The following LCORL variants were observed in gnomAD, a reference collection of about 807,000 sequenced individuals.
The protein encoded by LCORL is ligand dependent nuclear receptor corepressor like.
LCORL carries 41 observed loss-of-function variants against 141.8 expected under a neutral mutation model. The observed-to-expected ratio is 0.29, with a 90% confidence interval of 0.23 to 0.38. The LOEUF (loss-of-function observed/expected upper bound fraction) is 0.38. Ranked by LOEUF, LCORL falls within the 10% of genes least tolerant of loss-of-function variation. The probability of loss-of-function intolerance (pLI) is 1.00; values close to 1 mark genes in which losing one functional copy is unlikely to be tolerated. For missense variants in LCORL, 1,759 were observed against 2,035.0 expected, an observed-to-expected ratio of 0.86 and a Z score of 2.61; for synonymous variants, 618 against 694.1, an observed-to-expected ratio of 0.89 and a Z score of 1.72.
At chr4:17,971,804 A>C (rs1478574742) in intron 2 of LCORL, among the ~76,000 whole-genome samples, 1 of 151,716 alleles carries the variant, frequency 6.6e-6, no homozygotes, top group East Asian at 1.9e-4. Flanking sequence ...ATTTATAAGC[A>C]GTATGTAACA....
intron 1 of LCORL, among the ~76,000 whole-genome samples, chr4:17,997,928 G>A (rs1451773982): frequency 6.6e-6 from 1 of 152,124 alleles, no homozygotes; most frequent in Non-Finnish European, 1.5e-5. Context: ...TTAAGGGCTT[G>A]TGCATTGCTT....
At chr4:17,981,608 T>G (rs1222188866) in intron 1 of LCORL, among the ~76,000 whole-genome samples, 1 of 151,878 alleles carries the variant, frequency 6.6e-6, no homozygotes. Flanking sequence ...GGTGGTGGCA[T>G]GCACCTGTAG....
intron 7 of LCORL, among the ~76,000 whole-genome samples, chr4:17,853,468 C>A (rs1171000747): frequency 1.3e-5 from 2 of 152,136 alleles, no homozygotes; most frequent in East Asian, 3.8e-4. Context: ...CGGGCATAGA[C>A]TGACATGTTT....
rs1208457909 is a variant in LCORL, at chr4:18,021,738, C to T, written c.14G>A (p.Arg5Lys). Residue 5 changes from arginine (R) to lysine (K), a missense_variant, in exon 1 of 8, where the codon AGA becomes AAA. By Grantham distance (26) the Arg-to-Lys change is conservative (BLOSUM62 2). Transcript: ENST00000635767. This position sits in a 1 kb window ranked among gnomAD's most constrained non-coding sequence, Gnocchi z 5.5. ...GGCGGCGGCAGCGGCCATTCTCTCTCTTCCCTTGTCCATCTGCGTCCCGCG... is the reference window on the plus strand; with the variant it reads ...GGCGGCGGCAGCGGCCATTCTCTCTTTTCCCTTGTCCATCTGCGTCCCGCG... The T allele has an allele frequency of 3.3e-6, 5 of 1,517,656 alleles. No individual in the cohort carries two copies. Among genetic ancestry groups the T allele is most frequent in the Non-Finnish European group, 4.4e-6 (5 of 1,133,932 alleles). 94.0% of individuals were successfully genotyped at this position (1,517,656 alleles called of 1,614,324 possible).
chr4:17,865,335 T>A (rs186317977), intron 7 of LCORL, among the ~76,000 whole-genome samples: 1 of 152,090 alleles, frequency 6.6e-6, no homozygotes, highest in Admixed American at 6.5e-5. Context: ...CAGAAATATA[T>A]CTGAAAAATC....
chr4:18,005,825 A>G (rs1722711302), intron 1 of LCORL, among the ~76,000 whole-genome samples: 1 of 152,106 alleles, frequency 6.6e-6, no homozygotes, highest in African/African-American at 2.4e-5. Flanking sequence ...CCGGCCCATG[A>G]AACCACTTTT....
At chr4:17,978,693 T>A (rs959865984) in intron 1 of LCORL, among the ~76,000 whole-genome samples, 3 of 152,100 alleles carry the variant, frequency 2.0e-5, no homozygotes, top group Non-Finnish European at 4.4e-5. Context: ...ATTGTTTACA[T>A]TATAGGTTCC....
chr4:17,900,889 T>C (rs556071615), intron 5 of LCORL, among the ~76,000 whole-genome samples: 4 of 152,214 alleles, frequency 2.6e-5, no homozygotes, highest in Non-Finnish European at 4.4e-5. Context: ...ATGTCCACAA[T>C]TGATGAGATT....
chr4:17,925,972 C>T (rs80023356), intron 4 of LCORL, among the ~76,000 whole-genome samples: 6,463 of 150,518 alleles, frequency 0.043, 458 homozygotes, highest in African/African-American at 0.15. Context: ...TTCCCTTTAT[C>T]GTGTGTCATA....
intron 1 of LCORL, among the ~76,000 whole-genome samples, chr4:17,988,925 G>A (rs150471254): frequency 9.1e-4 from 138 of 152,242 alleles, no homozygotes; most frequent in African/African-American, 2.8e-3. Flanking sequence ...CAGAGATTGC[G>A]GTGAGCCGAG....
At chr4:17,912,353 A>C in intron 4 of LCORL, 1 of 668,580 alleles carries the variant, frequency 1.5e-6, no homozygotes, top group Non-Finnish European at 2.8e-6. Flanking sequence ...CATGAAGAGG[A>C]AGTAAAAGGC....
chr4:18,005,083 A>T lies in LCORL; in HGVS notation c.154+16515T>A, dbSNP rs192740778. On this transcript the variant is annotated intron_variant, in intron 1 of 7. Coordinates refer to ENST00000635767, the Ensembl canonical transcript of LCORL. Reference sequence around the variant, plus strand: ...CAGGTGCCTGCCACCACACCCAGCTAATTTTTTGTATTTTTAGTAGAGACG... The same window carrying T: ...CAGGTGCCTGCCACCACACCCAGCTTATTTTTTGTATTTTTAGTAGAGACG... Among the ~76,000 whole-genome samples the T allele has an allele frequency of 4.8e-3, 726 of 152,134 alleles. 6 individuals are homozygous for T. Among genetic ancestry groups the T allele is most frequent in the Middle Eastern group, 0.01 (3 of 294 alleles).
intron 4 of LCORL, among the ~76,000 whole-genome samples, chr4:17,921,349 G>A (rs964956173): frequency 2.0e-5 from 3 of 152,074 alleles, no homozygotes; most frequent in African/African-American, 4.8e-5. Flanking sequence ...TGTTCTTAAT[G>A]GCATTTAGTG....
intron 2 of LCORL, among the ~76,000 whole-genome samples, chr4:17,967,518 A>T (rs1485250470): frequency 6.6e-6 from 1 of 152,162 alleles, no homozygotes; most frequent in Admixed American, 6.5e-5. Context: ...TTTCTACTCA[A>T]TTTTTTCTGT....
chr4:17,986,454 T>A (rs1718994108), intron 1 of LCORL, among the ~76,000 whole-genome samples: 2 of 152,218 alleles, frequency 1.3e-5, no homozygotes, highest in Non-Finnish European at 2.9e-5. Flanking sequence ...TGTTCATTCC[T>A]TTTCATTCTG....
chr4:17,863,321 A>T (rs554657816), intron 7 of LCORL, among the ~76,000 whole-genome samples: 1 of 152,346 alleles, frequency 6.6e-6, no homozygotes, highest in Non-Finnish European at 1.5e-5. Flanking sequence ...GTCTCAAAAA[A>T]ACAAAATATG....
At chr4:17,975,226 T>C (rs1716718758) in intron 1 of LCORL, among the ~76,000 whole-genome samples, 1 of 152,186 alleles carries the variant, frequency 6.6e-6, no homozygotes, top group South Asian at 2.1e-4. Context: ...AATTCCCCTC[T>C]ATTCACTACA....
At chr4:18,019,460 G>C (rs1402901556) in intron 1 of LCORL, among the ~76,000 whole-genome samples, 1 of 152,126 alleles carries the variant, frequency 6.6e-6, no homozygotes, top group Non-Finnish European at 1.5e-5. Context: ...TTTCACATAC[G>C]ATACAATGTA....
intron 4 of LCORL, among the ~76,000 whole-genome samples, chr4:17,953,383 T>A (rs1346745339): frequency 6.6e-6 from 1 of 152,206 alleles, no homozygotes; most frequent in Non-Finnish European, 1.5e-5. Flanking sequence ...AGTGTTCCCT[T>A]TTCTCCACAA....
Sources: gnomAD v4.1 joint callset for allele counts (sites outside exome capture counted in the v4.1 genomes callset) on GRCh38, gnomAD v4.1.1 for gene constraint, Gnocchi (gnomAD v3.1) non-coding constraint, MANE v1.5 for transcripts, NCBI Gene and HGNC (gene_info 2026-07-23, HGNC 2026-07-21) for gene names.